The following NXPH1 variants were observed in gnomAD, a reference collection of about 807,000 sequenced individuals.
NXPH1 encodes the protein neurexophilin 1.
In NXPH1, 5 loss-of-function variants were observed where a neutral mutation model predicts 23.7. The ratio of observed to expected loss-of-function variants is 0.21; its 90% CI spans 0.11 to 0.44. The LOEUF is 0.44. Ranked by LOEUF, NXPH1 falls within the 20% of genes least tolerant of loss-of-function variation. The probability of loss-of-function intolerance (pLI) is 0.99; values close to 1 mark genes in which losing one functional copy is unlikely to be tolerated. For synonymous variants in NXPH1, 144 were observed against 122.2 expected (o/e 1.18, Z -1.18); for missense variants, 324 against 321.6 (o/e 1.01, Z -0.06).
Position 8,433,748 on chromosome 7 carries a change from CG to C in NXPH1, c.-1117del, listed in dbSNP as rs1816138438. On this transcript the variant is annotated 5_prime_UTR_variant, in exon 1 of 3. The change creates a premature stop within an existing upstream ORF in the 5' untranslated region. Transcript: ENST00000405863. This position sits in a 1 kb window ranked among gnomAD's most constrained non-coding sequence, Gnocchi z 6.8. ...CCCTGCACCCTCCCGCGCCCTTCCC[CG>C]CCCTACGCGACTCCCGGCTGCTCTT... Among the ~76,000 whole-genome samples the C allele has an allele frequency of 6.6e-6, 1 of 151,994 alleles. No homozygotes were observed. The highest frequency in any genetic ancestry group is 2.4e-5 in the African/African-American group (1 of 41,414).
intron 2 of NXPH1, among the ~76,000 whole-genome samples, chr7:8,445,854 G>A (rs1341535974): frequency 6.6e-6 from 1 of 152,190 alleles, no homozygotes; most frequent in African/African-American, 2.4e-5. Flanking sequence ...CTGTTGTCCT[G>A]TTTATGTCAG....
At chr7:8,622,741 T>A (rs1819902447) in intron 2 of NXPH1, among the ~76,000 whole-genome samples, 1 of 152,198 alleles carries the variant, frequency 6.6e-6, no homozygotes, top group Admixed American at 6.6e-5. Flanking sequence ...AAGAACTTTG[T>A]GCAAACGCTA....
chr7:8,558,002 T>TA (rs1166273188), intron 2 of NXPH1, among the ~76,000 whole-genome samples: 2 of 151,264 alleles, frequency 1.3e-5, no homozygotes, highest in Non-Finnish European at 3.0e-5. Context: ...AGTCCTATCA[T>TA]AAAAAAAAGG....
At chr7:8,680,574 C>G (rs1427213244) in intron 2 of NXPH1, among the ~76,000 whole-genome samples, 1 of 152,026 alleles carries the variant, frequency 6.6e-6, no homozygotes, top group African/African-American at 2.4e-5. Flanking sequence ...TAAAATGAAA[C>G]AAAACTAAAA....
chr7:8,518,655 T>TA (rs564690677), intron 2 of NXPH1, among the ~76,000 whole-genome samples: 192 of 151,396 alleles, frequency 1.3e-3, no homozygotes, highest in African/African-American at 4.3e-3. Flanking sequence ...CTCAGCTAAT[T>TA]AAAAAAAAAT....
rs1390344992 is a variant in NXPH1, at chr7:8,511,759, G to T, written c.54+75992G>T. Among the ~76,000 whole-genome samples the T allele has an allele frequency of 2.0e-5, 3 of 152,108 alleles. No individual in the cohort carries two copies. In the East Asian group the frequency reaches 5.8e-4, roughly 29 times the overall value. ...GTTCTGATGCTGAATTAGATTCTTAGCTTTAAATCCTCTCACACACAGCAA... is the reference window on the plus strand; with the variant it reads ...GTTCTGATGCTGAATTAGATTCTTATCTTTAAATCCTCTCACACACAGCAA... On this transcript the variant is annotated intron_variant, in intron 2 of 2. Coordinates refer to ENST00000405863, the MANE Select transcript of NXPH1 (RefSeq NM_152745.3).
At chr7:8,499,259 G>T (rs1341821208) in intron 2 of NXPH1, among the ~76,000 whole-genome samples, 1 of 152,070 alleles carries the variant, frequency 6.6e-6, no homozygotes, top group African/African-American at 2.4e-5. Flanking sequence ...GCATAAGAAT[G>T]CTCCTTCCAG....
chr7:8,662,187 T>TAC, intron 2 of NXPH1, among the ~76,000 whole-genome samples: 1 of 150,720 alleles, frequency 6.6e-6, no homozygotes, highest in African/African-American at 2.4e-5. Flanking sequence ...TATATATATA[T>TAC]ATACACACAT....
intron 2 of NXPH1, among the ~76,000 whole-genome samples, chr7:8,607,945 G>T (rs1390306987): frequency 6.6e-6 from 1 of 152,226 alleles, no homozygotes; most frequent in African/African-American, 2.4e-5. Flanking sequence ...AATGCCATGT[G>T]GCGATAGAAG....
intron 2 of NXPH1, among the ~76,000 whole-genome samples, chr7:8,566,646 C>T (rs541583874): frequency 6.6e-6 from 1 of 151,956 alleles, no homozygotes; most frequent in Admixed American, 6.6e-5. Context: ...CTTGGACTTA[C>T]ACCAGTGGCC....
intron 2 of NXPH1, among the ~76,000 whole-genome samples, chr7:8,679,258 A>G (rs1039900744): frequency 6.6e-6 from 1 of 151,798 alleles, no homozygotes; most frequent in African/African-American, 2.4e-5. Flanking sequence ...GCTTTATCCA[A>G]TTCTTATTGG....
At chr7:8,644,183 G>A (rs187960438) in intron 2 of NXPH1, among the ~76,000 whole-genome samples, 19 of 152,284 alleles carry the variant, frequency 1.2e-4, no homozygotes, top group African/African-American at 4.6e-4. Flanking sequence ...TCTTTCTTTG[G>A]AAAGTAATTC....
intron 2 of NXPH1, among the ~76,000 whole-genome samples, chr7:8,705,131 G>C (rs1329705730): frequency 6.6e-6 from 1 of 152,128 alleles, no homozygotes; most frequent in Non-Finnish European, 1.5e-5. Context: ...GGTAAAGCAA[G>C]CCAGGCATGT....
chr7:8,493,130 G>T (rs1817279031), intron 2 of NXPH1, among the ~76,000 whole-genome samples: 1 of 151,804 alleles, frequency 6.6e-6, no homozygotes, highest in African/African-American at 2.4e-5. Flanking sequence ...TGTGATTAAG[G>T]GGTTGTGGCC....
intron 2 of NXPH1, among the ~76,000 whole-genome samples, chr7:8,678,043 A>G (rs1261231391): frequency 6.6e-6 from 1 of 152,190 alleles, no homozygotes; most frequent in Non-Finnish European, 1.5e-5. Flanking sequence ...GAAAATGAAG[A>G]ATAATTAGGA....
At chr7:8,577,162 T>C (rs1367517465) in intron 2 of NXPH1, among the ~76,000 whole-genome samples, 1 of 152,182 alleles carries the variant, frequency 6.6e-6, no homozygotes, top group Non-Finnish European at 1.5e-5. Context: ...CACGGGAGTA[T>C]CTAAATTGTG....
At chr7:8,502,453 C>T (rs910833364) in intron 2 of NXPH1, among the ~76,000 whole-genome samples, 1 of 151,782 alleles carries the variant, frequency 6.6e-6, no homozygotes, top group Admixed American at 6.6e-5. Context: ...CTGTCTTGCA[C>T]TCAAGGAATA....
Position 8,674,162 on chromosome 7 carries a change from GACACACACACACAC to G in NXPH1, c.55-76817_55-76804del, listed in dbSNP as rs35790323. 9.5e-3 allele frequency among the ~76,000 whole-genome samples: 821 copies of G among 86,188 alleles called. 6 individuals are homozygous for G. Among genetic ancestry groups the G allele is most frequent in the African/African-American group, 0.022 (758 of 34,636 alleles). The allele number at this position is 86,188 out of a possible 152,430, so 56.5% of individuals were successfully genotyped here. On this transcript the variant is annotated intron_variant, in intron 2 of 2. Coordinates refer to ENST00000405863, the MANE Select transcript of NXPH1 (RefSeq NM_152745.3). ...TGTCCCTAGTACTTACAAACATATA[GACACACACACACAC>G]ACACACACACACACACACACACACA...
At chr7:8,476,899 C>A (rs1290381857) in intron 2 of NXPH1, among the ~76,000 whole-genome samples, 1 of 152,142 alleles carries the variant, frequency 6.6e-6, no homozygotes, top group South Asian at 2.1e-4. Context: ...GAACTATTCC[C>A]AGAGCTGACT....
Sources: allele counts gnomAD v4.1 joint callset (sites outside exome capture counted in the v4.1 genomes callset), GRCh38; gene constraint gnomAD v4.1.1; non-coding constraint Gnocchi (gnomAD v3.1); transcripts MANE v1.5; gene names NCBI Gene and HGNC (gene_info 2026-07-23, HGNC 2026-07-21).